Variants in RPTOR observed in about 807,000 individuals in gnomAD.
The protein encoded by RPTOR is regulatory associated protein of MTOR complex 1, also known as regulatory-associated protein of mTOR.
In RPTOR, 21 loss-of-function variants were observed where a neutral mutation model predicts 169.9. The observed-to-expected ratio is 0.12, with a 90% CI of 0.09 to 0.18. RPTOR has a LOEUF of 0.18. RPTOR is among the 10% of genes least tolerant of loss of function. RPTOR has a pLI of 1.00. For missense variants in RPTOR, 1,133 were observed against 1,855.9 expected (o/e 0.61, Z 7.16); for synonymous variants, 732 against 753.2 (o/e 0.97, Z 0.46).
chr17:80,561,683 C>T (rs2084497911), intron 1 of RPTOR, among the ~76,000 whole-genome samples: 1 of 152,170 alleles, frequency 6.6e-6, no homozygotes, highest in Non-Finnish European at 1.5e-5. Context: ...TTCACCACCT[C>T]AGCCTCCCAA....
intron 25 of RPTOR, among the ~76,000 whole-genome samples, chr17:80,942,747 G>C (rs2069048739): frequency 6.6e-6 from 1 of 152,252 alleles, no homozygotes. Flanking sequence ...AGGAGACGGG[G>C]TTGGGAAAGC....
At chr17:80,652,796 C>G (rs1260910993) in intron 3 of RPTOR, among the ~76,000 whole-genome samples, 4 of 152,228 alleles carry the variant, frequency 2.6e-5, no homozygotes, top group Non-Finnish European at 5.9e-5. Flanking sequence ...TTTTACCTCC[C>G]TGAGGCACTC....
At chr17:80,828,067 G>A (rs1332725565) in intron 9 of RPTOR, among the ~76,000 whole-genome samples, 1 of 152,214 alleles carries the variant, frequency 6.6e-6, no homozygotes, top group African/African-American at 2.4e-5. Flanking sequence ...CCTGGGACAG[G>A]AGTGCACCCA....
intron 3 of RPTOR, among the ~76,000 whole-genome samples, chr17:80,655,510 C>G (rs929545254): frequency 6.6e-6 from 1 of 152,008 alleles, no homozygotes; most frequent in African/African-American, 2.4e-5. Context: ...TCACGCTATC[C>G]TCTTGCCATA....
chr17:80,780,950 G>A (rs1233965104), intron 6 of RPTOR, among the ~76,000 whole-genome samples: 3 of 152,212 alleles, frequency 2.0e-5, no homozygotes, highest in Non-Finnish European at 4.4e-5. Context: ...TTATGTGGCT[G>A]AGATGCACCA....
intron 1 of RPTOR, among the ~76,000 whole-genome samples, chr17:80,561,920 A>G (rs2084502616): frequency 6.6e-6 from 1 of 152,050 alleles, no homozygotes; most frequent in Admixed American, 6.6e-5. Flanking sequence ...GATTGTGTAC[A>G]TGTGCTTATG....
chr17:80,712,701 A>G (rs547300173), intron 4 of RPTOR, among the ~76,000 whole-genome samples: 1 of 152,306 alleles, frequency 6.6e-6, no homozygotes, highest in South Asian at 2.1e-4. Flanking sequence ...GGTTTGGTGG[A>G]TGATTCGGTT....
chr17:80,912,631 C>G (rs1419324132), intron 21 of RPTOR, among the ~76,000 whole-genome samples: 1 of 152,182 alleles, frequency 6.6e-6, no homozygotes, highest in African/African-American at 2.4e-5. Flanking sequence ...CAGCAAACGT[C>G]CCAGCACAGC....
intron 20 of RPTOR, among the ~76,000 whole-genome samples, chr17:80,895,735 C>T (rs1254882828): frequency 1.3e-5 from 2 of 152,248 alleles, no homozygotes; most frequent in African/African-American, 4.8e-5. Context: ...AGCGCAGGCG[C>T]CCCCATCTCG....
chr17:80,812,068 G>T (rs926373307), intron 7 of RPTOR, among the ~76,000 whole-genome samples: 4 of 152,238 alleles, frequency 2.6e-5, no homozygotes, highest in African/African-American at 9.6e-5. Context: ...CCTACCTGGG[G>T]CCTCCTCCAG....
intron 13 of RPTOR, among the ~76,000 whole-genome samples, chr17:80,858,909 A>G (rs959731758): frequency 2.6e-5 from 4 of 152,312 alleles, no homozygotes; most frequent in South Asian, 4.1e-4. Context: ...TTTTGGAACA[A>G]AGACATCAAA....
intron 1 of RPTOR, among the ~76,000 whole-genome samples, chr17:80,587,588 T>C (rs974721969): frequency 6.6e-6 from 1 of 152,236 alleles, no homozygotes; most frequent in Non-Finnish European, 1.5e-5. Flanking sequence ...GCCCACACTG[T>C]TACGCATTTT....
intron 2 of RPTOR, among the ~76,000 whole-genome samples, chr17:80,641,108 A>C (rs1296339548): frequency 1.3e-5 from 2 of 152,190 alleles, no homozygotes; most frequent in African/African-American, 4.8e-5. Flanking sequence ...TCAGATCCCA[A>C]TCCAATCCTA....
At chr17:80,656,067 C>G (rs2065677108) in intron 3 of RPTOR, among the ~76,000 whole-genome samples, 1 of 152,028 alleles carries the variant, frequency 6.6e-6, no homozygotes, top group Non-Finnish European at 1.5e-5. Context: ...CATATTGGGT[C>G]AAAATACATT....
intron 13 of RPTOR, among the ~76,000 whole-genome samples, chr17:80,868,600 A>G (rs574466406): frequency 4.6e-5 from 7 of 152,360 alleles, no homozygotes; most frequent in African/African-American, 1.7e-4. Flanking sequence ...CACACTCAGC[A>G]TACAATCCAG....
intron 1 of RPTOR, among the ~76,000 whole-genome samples, chr17:80,561,903 T>A (rs2084502308): frequency 6.6e-6 from 1 of 152,216 alleles, no homozygotes; most frequent in African/African-American, 2.4e-5. Flanking sequence ...AGTCTGTGTG[T>A]ATGTGTGATT....
intron 6 of RPTOR, among the ~76,000 whole-genome samples, chr17:80,769,411 CA>C (rs1461786281): frequency 6.6e-6 from 1 of 152,240 alleles, no homozygotes; most frequent in Non-Finnish European, 1.5e-5. Context: ...TCACCACAGT[CA>C]CTGAGAACAG....
At chr17:80,931,444 T>C (rs1364513926) in intron 24 of RPTOR, among the ~76,000 whole-genome samples, 1 of 152,166 alleles carries the variant, frequency 6.6e-6, no homozygotes, top group Non-Finnish European at 1.5e-5. Context: ...CTCAAACCTT[T>C]GGGAGCCACA....
intron 28 of RPTOR, among the ~76,000 whole-genome samples, chr17:80,950,148 G>T (rs1261335063): frequency 6.6e-6 from 1 of 152,194 alleles, no homozygotes; most frequent in South Asian, 2.1e-4. Context: ...CAGGCTTCTG[G>T]GTCTAGATTT....
Sources: gnomAD v4.1 joint callset for allele counts (sites outside exome capture counted in the v4.1 genomes callset) on GRCh38, gnomAD v4.1.1 for gene constraint, MANE v1.5 for transcripts, NCBI Gene and HGNC (gene_info 2026-07-23, HGNC 2026-07-21) for gene names.